TAMM41: variants seen among roughly 807,000 people sequenced by gnomAD.
TAMM41 encodes the protein TAM41 mitochondrial translocator assembly and maintenance homolog.
Under a neutral mutation model 44.1 loss-of-function variants are expected in TAMM41, and 36 were observed. The observed-to-expected ratio is 0.82, with a 90% CI of 0.63 to 1.08. The LOEUF (loss-of-function observed/expected upper bound fraction) is 1.08, where lower values mean the gene tolerates loss of function less well. Ranked by LOEUF, TAMM41 falls within the 50% of genes least tolerant of loss-of-function variation. TAMM41 has a pLI of 0.00. For synonymous variants in TAMM41, 164 were observed against 153.1 expected, an observed-to-expected ratio of 1.07 and a Z score of -0.53; for missense variants, 417 against 404.3, an observed-to-expected ratio of 1.03 and a Z score of -0.27.
At chr3:11,844,008 C>G (rs748324271) in intron 2 of TAMM41, 21 bp downstream of exon 2, 25 of 1,607,784 alleles carry the variant, frequency 1.6e-5, no homozygotes, top group Non-Finnish European at 1.9e-5. Context: ...CAAGTTAAGA[C>G]AAAGGCCAGC....
the TAMM41 span, among the ~76,000 whole-genome samples, chr3:11,768,344 C>T: frequency 0.14 from 21,858 of 151,890 alleles, 1,750 homozygotes; most frequent in Middle Eastern, 0.19. Context: ...CCCTATATTG[C>T]CCAGGCTGGT....
the TAMM41 span, among the ~76,000 whole-genome samples, chr3:11,728,396 G>C: frequency 6.6e-6 from 1 of 152,186 alleles, no homozygotes; most frequent in Non-Finnish European, 1.5e-5. Flanking sequence ...CAGAAATATG[G>C]TCACAGATTC....
intron 3 of TAMM41, among the ~76,000 whole-genome samples, chr3:11,835,069 TTAG>T (rs1285348847): frequency 5.9e-5 from 9 of 152,178 alleles, no homozygotes; most frequent in African/African-American, 1.9e-4. Flanking sequence ...TTCTGGGGCT[TTAG>T]ACAATGTAAT....
chr3:11,807,902 G>C lies in TAMM41; in HGVS notation c.875-7C>G. ...CTCACGATTGCTGAAAGCCCTGCGA[G>C]AAAAAAACCAAAAAGGAGACCAAAA... On this transcript the variant is annotated splice_polypyrimidine_tract_variant and splice_region_variant and intron_variant, in intron 6 of 7. Coordinates refer to ENST00000455809, the MANE Select transcript of TAMM41 (RefSeq NM_001284401.2). 1.3e-6 allele frequency: 2 copies of C among 1,500,810 alleles called. No homozygotes were observed. The highest frequency in any genetic ancestry group is 2.5e-5 in the South Asian group (2 of 78,490). The allele number at this position is 1,500,810 out of a possible 1,614,324, so 93.0% of individuals were successfully genotyped here.
rs2079476874 is a variant in TAMM41, at chr3:11,842,194, G to T, written c.318+1835C>A. On this transcript the variant is annotated intron_variant, in intron 2 of 7. Coordinates refer to ENST00000455809, the MANE Select transcript of TAMM41 (RefSeq NM_001284401.2). ...ACCTGAGGTCAGGAGTTCGTGACCA[G>T]CCTGGCCAACATGGTGAAACCCCAC... 1.3e-5 allele frequency among the ~76,000 whole-genome samples: 2 copies of T among 152,100 alleles called. 1 individual carries two copies. The highest frequency in any genetic ancestry group is 4.1e-4 in the South Asian group (2 of 4,822).
At chr3:11,767,879 T>G in the TAMM41 span, among the ~76,000 whole-genome samples, 1 of 151,350 alleles carries the variant, frequency 6.6e-6, no homozygotes, top group Non-Finnish European at 1.5e-5. Context: ...CGCCTCGGCC[T>G]CCCAAAGTGC....
At chr3:11,804,864 T>G (rs1177077808) in intron 7 of TAMM41, among the ~76,000 whole-genome samples, 1 of 147,366 alleles carries the variant, frequency 6.8e-6, no homozygotes, top group Non-Finnish European at 1.5e-5. Context: ...TTTTTATTAT[T>G]ATAATTTTTT....
the TAMM41 span, among the ~76,000 whole-genome samples, chr3:11,735,722 G>C: frequency 1.3e-5 from 2 of 152,212 alleles, no homozygotes; most frequent in African/African-American, 4.8e-5. Context: ...TCAAGGGTAG[G>C]ATTAGTAGAA....
At chr3:11,749,364 T>C in the TAMM41 span, among the ~76,000 whole-genome samples, 4 of 152,200 alleles carry the variant, frequency 2.6e-5, no homozygotes, top group Admixed American at 6.5e-5. Context: ...ACTACAAAAC[T>C]GGACACTGGA....
chr3:11,751,515 C>T, the TAMM41 span, among the ~76,000 whole-genome samples: 1 of 152,170 alleles, frequency 6.6e-6, no homozygotes, highest in Non-Finnish European at 1.5e-5. Flanking sequence ...TCAGAGCCTG[C>T]CGTGCTGGGG....
chr3:11,743,572 A>T, the TAMM41 span, among the ~76,000 whole-genome samples: 1 of 152,028 alleles, frequency 6.6e-6, no homozygotes, highest in Non-Finnish European at 1.5e-5. Context: ...ACATCAAGTG[A>T]TCCACCTGCC....
chr3:11,783,156 G>C, the TAMM41 span, among the ~76,000 whole-genome samples: 5 of 152,228 alleles, frequency 3.3e-5, no homozygotes, highest in African/African-American at 1.2e-4. Context: ...CTCTCATTTA[G>C]TGGTCACTTG....
chr3:11,827,097 T>C (rs1034575354), intron 4 of TAMM41, among the ~76,000 whole-genome samples: 1 of 152,198 alleles, frequency 6.6e-6, no homozygotes, highest in African/African-American at 2.4e-5. Context: ...AGAAATTCCA[T>C]CTGCAGTTCT....
chr3:11,768,430 AC>A, the TAMM41 span, among the ~76,000 whole-genome samples: 1 of 152,198 alleles, frequency 6.6e-6, no homozygotes, highest in Non-Finnish European at 1.5e-5. Flanking sequence ...GAGCCACTGC[AC>A]CCAGCCAAAT....
At chr3:11,748,976 C>G in the TAMM41 span, among the ~76,000 whole-genome samples, 9 of 146,372 alleles carry the variant, frequency 6.1e-5, no homozygotes, top group African/African-American at 2.3e-4. Context: ...GCAGTGGTGC[C>G]ATCTTGGCTC....
chr3:11,828,408 G>A (rs2078845016), intron 4 of TAMM41, among the ~76,000 whole-genome samples: 1 of 152,168 alleles, frequency 6.6e-6, no homozygotes, highest in Non-Finnish European at 1.5e-5. Context: ...CCAATGCTAC[G>A]AAGATGTTGA....
At chr3:11,824,168 T>C (rs1204610120) in intron 4 of TAMM41, among the ~76,000 whole-genome samples, 1 of 151,434 alleles carries the variant, frequency 6.6e-6, no homozygotes, top group Non-Finnish European at 1.5e-5. Flanking sequence ...TTCTGGATAC[T>C]AGTCCCTTAT....
the TAMM41 span, among the ~76,000 whole-genome samples, chr3:11,762,195 T>G: frequency 6.6e-6 from 1 of 152,138 alleles, no homozygotes; most frequent in African/African-American, 2.4e-5. Context: ...TATAGTGGGT[T>G]TTTTTCTGTC....
chr3:11,749,624 T>C, the TAMM41 span, among the ~76,000 whole-genome samples: 1 of 152,188 alleles, frequency 6.6e-6, no homozygotes, highest in Non-Finnish European at 1.5e-5. Context: ...TTCCATACCA[T>C]GAAGTTACTA....
Sources: allele counts gnomAD v4.1 joint callset (sites outside exome capture counted in the v4.1 genomes callset), GRCh38; gene constraint gnomAD v4.1.1; transcripts MANE v1.5; gene names NCBI Gene and HGNC (gene_info 2026-07-23, HGNC 2026-07-21).